Variants in TSC22D1 observed in about 807,000 individuals in gnomAD.
The protein encoded by TSC22D1 is TSC22 domain family member 1.
Under a neutral mutation model 74.2 loss-of-function variants are expected in TSC22D1, and 9 were observed. The observed-to-expected ratio is 0.12, with a 90% CI of 0.07 to 0.21. The LOEUF is 0.21. Ranked by LOEUF, TSC22D1 falls within the 10% of genes least tolerant of loss-of-function variation. The probability of loss-of-function intolerance (pLI) is 1.00; values close to 1 mark genes in which losing one functional copy is unlikely to be tolerated. For missense variants in TSC22D1, 1,427 were observed against 1,304.7 expected, an observed-to-expected ratio of 1.09 and a Z score of -1.44; for synonymous variants, 586 against 492.5, an observed-to-expected ratio of 1.19 and a Z score of -2.51.
At chr13:44,456,525 C>T (rs187742077) in intron 1 of TSC22D1, among the ~76,000 whole-genome samples, 7 of 152,292 alleles carry the variant, frequency 4.6e-5, no homozygotes, top group Non-Finnish European at 7.3e-5. Context: ...AATCCTTTAC[C>T]TAGACAGAAA....
At chr13:44,532,046 G>A (rs1476901762) in intron 1 of TSC22D1, among the ~76,000 whole-genome samples, 3 of 152,114 alleles carry the variant, frequency 2.0e-5, no homozygotes, top group East Asian at 1.9e-4. Context: ...AATACAACCC[G>A]AAAAATAACA....
chr13:44,539,419 T>C, intron 1 of TSC22D1: 1 of 985,344 alleles, frequency 1.0e-6, no homozygotes, highest in Non-Finnish European at 1.2e-6. Flanking sequence ...AAAGATGAAA[T>C]ACAGAACCTT....
chr13:44,562,961 C>T (rs532274951), intron 1 of TSC22D1, among the ~76,000 whole-genome samples: 81 of 152,068 alleles, frequency 5.3e-4, no homozygotes, highest in Non-Finnish European at 1.2e-4. Flanking sequence ...AAAAATTAGC[C>T]GATCATGGTG....
Position 44,434,147 on chromosome 13 carries a change from T to G in TSC22D1, c.*479A>C. On this transcript the variant is annotated 3_prime_UTR_variant, in exon 3 of 3. Coordinates refer to ENST00000458659, the MANE Select transcript of TSC22D1 (RefSeq NM_183422.4). ...CAGTTGTCAAATTTGTACAGTGAAC[T>G]CTGTTCCCCCTCATTTTAGTCTTTT... 1.3e-6 allele frequency: 2 copies of G among 1,490,430 alleles called. No homozygotes were observed. Among genetic ancestry groups the G allele is most frequent in the Non-Finnish European group, 8.8e-7 (1 of 1,134,240 alleles). The allele number at this position is 1,490,430 out of a possible 1,614,324, so 92.3% of individuals were successfully genotyped here.
At chr13:44,507,776 A>G (rs1319513277) in intron 1 of TSC22D1, among the ~76,000 whole-genome samples, 1 of 151,962 alleles carries the variant, frequency 6.6e-6, no homozygotes, top group Non-Finnish European at 1.5e-5. Flanking sequence ...TGCTTCCCCA[A>G]CTCCCCATGT....
In TSC22D1 at chr13:44,520,526, G is replaced by GAT. The variant is rs532610245; in HGVS notation, c.2912+52635_2912+52636dup. ...CAGAGGAAGCATGGGGAAGTAGCTA[G>GAT]ATATAAATCAATGAAAGTTTTAGAC... is the stretch of plus-strand genomic sequence containing the variant. On this transcript the variant is annotated intron_variant, in intron 1 of 2. Transcript: ENST00000458659. Among the ~76,000 whole-genome samples the GAT allele has an allele frequency of 1.2e-3, 185 of 152,286 alleles. 2 individuals carry two copies. The highest frequency in any genetic ancestry group is 2.3e-3 in the Non-Finnish European group (158 of 68,000).
chr13:44,539,817 A>C, intron 1 of TSC22D1: 1 of 1,289,360 alleles, frequency 7.8e-7, no homozygotes, highest in South Asian at 1.2e-5. Flanking sequence ...TTCTGTCTCC[A>C]AGGGTTCAGT....
chr13:44,443,407 G>A (rs1875366644), intron 1 of TSC22D1, among the ~76,000 whole-genome samples: 1 of 152,100 alleles, frequency 6.6e-6, no homozygotes, highest in Non-Finnish European at 1.5e-5. Flanking sequence ...TACAAAAGCT[G>A]GAAGGATTCA....
chr13:44,434,615 G>A lies in TSC22D1; in HGVS notation c.*11C>T, dbSNP rs1310100694. On this transcript the variant is annotated 3_prime_UTR_variant, in exon 3 of 3. Transcript: ENST00000458659. ...CACACGCAGCAGCCAGTTCTGCGGG[G>A]GCATAGGCAGCTATGCGGTTGGTCC... is the stretch of plus-strand genomic sequence containing the variant. The A allele has an allele frequency of 6.6e-7, 1 of 1,517,928 alleles. No individual in the cohort carries two copies. The highest frequency in any genetic ancestry group is 8.8e-7 in the Non-Finnish European group (1 of 1,136,014). The allele number at this position is 1,517,928 out of a possible 1,614,324, so 94.0% of individuals were successfully genotyped here.
At chr13:44,465,461 A>T (rs953559385) in intron 1 of TSC22D1, among the ~76,000 whole-genome samples, 1 of 152,198 alleles carries the variant, frequency 6.6e-6, no homozygotes, top group African/African-American at 2.4e-5. Flanking sequence ...GGAAGCTTTT[A>T]AAAAATACAG....
intron 1 of TSC22D1, among the ~76,000 whole-genome samples, chr13:44,567,788 C>G (rs1883481524): frequency 6.6e-6 from 1 of 152,092 alleles, no homozygotes; most frequent in Non-Finnish European, 1.5e-5. Flanking sequence ...AATCAACAAC[C>G]TGACTCAAGA....
chr13:44,438,404 A>G (rs1367287231), intron 1 of TSC22D1, among the ~76,000 whole-genome samples: 1 of 152,210 alleles, frequency 6.6e-6, no homozygotes, highest in African/African-American at 2.4e-5. Context: ...ATCCATTTAG[A>G]CAGTTTTTAA....
intron 1 of TSC22D1, chr13:44,538,197 C>G: frequency 1.0e-6 from 1 of 985,256 alleles, no homozygotes; most frequent in Non-Finnish European, 1.2e-6. Context: ...AAAAATACCT[C>G]AAGTTTAACA....
intron 1 of TSC22D1, among the ~76,000 whole-genome samples, chr13:44,535,677 C>A (rs1881095384): frequency 6.6e-6 from 1 of 151,778 alleles, no homozygotes; most frequent in Admixed American, 6.6e-5. Context: ...AAAGAACAAT[C>A]AAAACAGATT....
intron 1 of TSC22D1, among the ~76,000 whole-genome samples, chr13:44,520,794 C>T (rs1378434000): frequency 1.3e-5 from 2 of 152,084 alleles, no homozygotes; most frequent in African/African-American, 4.8e-5. Context: ...GAAGTATCCA[C>T]TGAAAAAGCT....
chr13:44,534,136 G>A (rs554452166), intron 1 of TSC22D1, among the ~76,000 whole-genome samples: 8 of 151,446 alleles, frequency 5.3e-5, no homozygotes, highest in Non-Finnish European at 8.8e-5. Context: ...GAGGTAGGAG[G>A]ATCACCTGAA....
intron 1 of TSC22D1, among the ~76,000 whole-genome samples, chr13:44,517,738 C>T (rs1221067042): frequency 4.3e-5 from 4 of 93,382 alleles, no homozygotes; most frequent in Non-Finnish European, 6.7e-5. Context: ...TATATATATA[C>T]ATATATACGT....
chr13:44,552,386 C>T (rs1346324495), intron 1 of TSC22D1, among the ~76,000 whole-genome samples: 4 of 152,156 alleles, frequency 2.6e-5, no homozygotes, highest in Non-Finnish European at 5.9e-5. Flanking sequence ...TAAAATATCC[C>T]ATACTGATGG....
intron 1 of TSC22D1, among the ~76,000 whole-genome samples, chr13:44,572,379 A>G (rs1367449505): frequency 1.3e-5 from 2 of 152,168 alleles, no homozygotes; most frequent in Non-Finnish European, 2.9e-5. Context: ...GAACAGGTGG[A>G]GTAGATTAGC....
Sources: allele counts gnomAD v4.1 joint callset (sites outside exome capture counted in the v4.1 genomes callset), GRCh38; gene constraint gnomAD v4.1.1; transcripts MANE v1.5; gene names NCBI Gene and HGNC (gene_info 2026-07-23, HGNC 2026-07-21).